Variants in PAFAH1B1 observed in about 807,000 individuals in gnomAD.
The protein encoded by PAFAH1B1 is platelet-activating factor acetylhydrolase IB subunit beta.
PAFAH1B1 carries 2 observed loss-of-function variants against 57.5 expected under a neutral mutation model. The ratio of observed to expected loss-of-function variants is 0.03; its 90% CI spans 0.01 to 0.11. PAFAH1B1 has a LOEUF of 0.11. PAFAH1B1 is among the 10% of genes least tolerant of loss of function. The probability of loss-of-function intolerance (pLI) is 1.00; values close to 1 mark genes in which losing one functional copy is unlikely to be tolerated. For missense variants in PAFAH1B1, 257 were observed against 512.0 expected, an observed-to-expected ratio of 0.50 and a Z score of 4.81; for synonymous variants, 152 against 169.6, an observed-to-expected ratio of 0.90 and a Z score of 0.81.
chr17:2,670,463 G>A, intron 6 of PAFAH1B1, 132 bp downstream of exon 6: 1 of 900,586 alleles, frequency 1.1e-6, no homozygotes, highest in Non-Finnish European at 1.8e-6. Context: ...AGCATACCAT[G>A]TAGATAGTCC....
intron 9 of PAFAH1B1, chr17:2,679,761 T>C (rs2069348301): frequency 4.2e-6 from 1 of 240,280 alleles, no homozygotes; most frequent in Non-Finnish European, 8.2e-6. Context: ...TTTGCTGAAA[T>C]CATTTGAGCG....
intron 1 of PAFAH1B1, among the ~76,000 whole-genome samples, chr17:2,610,630 A>G (rs963312902): frequency 6.6e-6 from 1 of 152,234 alleles, no homozygotes; most frequent in African/African-American, 2.4e-5. Flanking sequence ...ATGAGCTTAA[A>G]AAAAGTCACA....
Position 2,609,731 on chromosome 17 carries a change from C to G in PAFAH1B1, c.-191+15725C>G, listed in dbSNP as rs367844789. ...TTTACCATGTTGGCCAGGCTGGTCT[C>G]GAACTCCTGACCTCGTGATCCACCC... On this transcript the variant is annotated intron_variant, in intron 1 of 10. Coordinates refer to ENST00000397195, the MANE Select transcript of PAFAH1B1 (RefSeq NM_000430.4). Among the ~76,000 whole-genome samples the G allele has an allele frequency of 1.1e-4, 16 of 151,748 alleles. No individual in the cohort carries two copies. In the East Asian group the frequency reaches 3.1e-3, roughly 30 times the overall value.
At chr17:2,614,442 C>T (rs960711389) in intron 1 of PAFAH1B1, among the ~76,000 whole-genome samples, 1 of 152,060 alleles carries the variant, frequency 6.6e-6, no homozygotes, top group African/African-American at 2.4e-5. Context: ...GACCCCTGGT[C>T]TAGATACAAA....
At chr17:2,612,069 G>A (rs1386041023) in intron 1 of PAFAH1B1, among the ~76,000 whole-genome samples, 1 of 151,942 alleles carries the variant, frequency 6.6e-6, no homozygotes, top group African/African-American at 2.4e-5. Flanking sequence ...AGTTTTTAAT[G>A]GTTTAACCCT....
intron 1 of PAFAH1B1, among the ~76,000 whole-genome samples, chr17:2,614,390 C>T (rs529888716): frequency 6.6e-6 from 1 of 152,168 alleles, no homozygotes; most frequent in African/African-American, 2.4e-5. Context: ...ATCTGAATGG[C>T]CCACAAAACC....
intron 1 of PAFAH1B1, among the ~76,000 whole-genome samples, chr17:2,626,214 A>G (rs949567833): frequency 1.3e-5 from 2 of 152,004 alleles, no homozygotes; most frequent in African/African-American, 2.4e-5. Context: ...AGATCACGCC[A>G]CTGCACTCCA....
chr17:2,660,138 G>C (rs914126685), intron 2 of PAFAH1B1, among the ~76,000 whole-genome samples: 1 of 151,760 alleles, frequency 6.6e-6, no homozygotes, highest in Admixed American at 6.6e-5. Flanking sequence ...AGACATCTCA[G>C]ATTTGTTGGG....
At chr17:2,658,553 G>A (rs2068969382) in intron 2 of PAFAH1B1, among the ~76,000 whole-genome samples, 1 of 152,156 alleles carries the variant, frequency 6.6e-6, no homozygotes, top group Admixed American at 6.6e-5. Context: ...GGGTATATCA[G>A]GATGTCATCT....
intron 3 of PAFAH1B1, among the ~76,000 whole-genome samples, chr17:2,665,714 A>T (rs1224083914): frequency 6.6e-6 from 1 of 151,588 alleles, no homozygotes; most frequent in Non-Finnish European, 1.5e-5. Flanking sequence ...CGATTCTCCT[A>T]CTTCAGCCTT....
At chr17:2,647,219 G>A (rs1368394808) in intron 2 of PAFAH1B1, among the ~76,000 whole-genome samples, 1 of 152,102 alleles carries the variant, frequency 6.6e-6, no homozygotes. Context: ...GCGTCGTGGT[G>A]CACACCTGTA....
chr17:2,639,711 C>T (rs2068672452), intron 2 of PAFAH1B1: 1 of 152,062 alleles, frequency 6.6e-6, no homozygotes, highest in Non-Finnish European at 1.5e-5. Context: ...ATTCTCTTGC[C>T]TCAGCCTCCC....
chr17:2,622,650 A>C (rs955965906), intron 1 of PAFAH1B1, among the ~76,000 whole-genome samples: 2 of 152,004 alleles, frequency 1.3e-5, no homozygotes, highest in Non-Finnish European at 2.9e-5. Flanking sequence ...CAGCTTTTCC[A>C]GGCGACAGTG....
chr17:2,619,726 A>G (rs958454600), intron 1 of PAFAH1B1, among the ~76,000 whole-genome samples: 3 of 152,130 alleles, frequency 2.0e-5, no homozygotes, highest in South Asian at 2.1e-4. Context: ...CTATTATACA[A>G]TTGAGGAAAC....
chr17:2,651,527 G>A (rs1220772756), intron 2 of PAFAH1B1, among the ~76,000 whole-genome samples: 3 of 151,376 alleles, frequency 2.0e-5, no homozygotes, highest in Admixed American at 6.6e-5. Context: ...AGAGGCTGCA[G>A]TGAGCCGAGC....
chr17:2,644,627 G>A (rs1305490449), intron 2 of PAFAH1B1, among the ~76,000 whole-genome samples: 1 of 152,142 alleles, frequency 6.6e-6, no homozygotes, highest in Non-Finnish European at 1.5e-5. Flanking sequence ...CCAGTCTCCC[G>A]TGTTTGGTAT....
chr17:2,616,908 C>CA (rs767115189), intron 1 of PAFAH1B1, among the ~76,000 whole-genome samples: 3,235 of 136,064 alleles, frequency 0.024, 90 homozygotes, highest in African/African-American at 0.071. Context: ...CTAAAAATAC[C>CA]AAAAAAAAAA....
chr17:2,658,878 G>A (rs1759918138), intron 2 of PAFAH1B1, among the ~76,000 whole-genome samples: 1 of 152,208 alleles, frequency 6.6e-6, no homozygotes, highest in Non-Finnish European at 1.5e-5. Flanking sequence ...GGTTGGAGAA[G>A]TATAAGACCT....
At chr17:2,594,591 C>T (rs572836787) in intron 1 of PAFAH1B1, among the ~76,000 whole-genome samples, 94 of 152,318 alleles carry the variant, frequency 6.2e-4, no homozygotes, top group Non-Finnish European at 1.1e-3. Flanking sequence ...GGAGGGTGGC[C>T]CACCGTCTCC....
Sources: allele counts gnomAD v4.1 joint callset (sites outside exome capture counted in the v4.1 genomes callset), GRCh38; gene constraint gnomAD v4.1.1; transcripts MANE v1.5; gene names NCBI Gene and HGNC (gene_info 2026-07-23, HGNC 2026-07-21).